LARS2: variants seen among roughly 807,000 people sequenced by gnomAD.
The protein encoded by LARS2 is leucine--tRNA ligase, mitochondrial.
Under a neutral mutation model 116.6 loss-of-function variants are expected in LARS2, and 81 were observed. The ratio of observed to expected loss-of-function variants is 0.69; its 90% CI spans 0.58 to 0.84. The LOEUF (loss-of-function observed/expected upper bound fraction) is 0.84, where lower values mean the gene tolerates loss of function less well. Among genes scored for constraint, LARS2 ranks in the 40% least tolerant of loss-of-function variants. The pLI is 0.00. For synonymous variants in LARS2, 396 were observed against 407.2 expected, an observed-to-expected ratio of 0.97 and a Z score of 0.33; for missense variants, 968 against 1,114.5, an observed-to-expected ratio of 0.87 and a Z score of 1.87.
At chr3:45,500,363 C>A in intron 14 of LARS2, 79 bp from the exon 15 acceptor site, 2 of 1,293,238 alleles carry the variant, frequency 1.5e-6, no homozygotes, top group Non-Finnish European at 2.2e-6. Context: ...AGGGCATATG[C>A]ATATTACAAT....
At position 45,516,112 on chromosome 3, in the gene LARS2, C is replaced by T. The variant is rs1361537828; in HGVS notation, c.1880C>T (p.Ala627Val). 6.2e-7 allele frequency: 1 copy of T among 1,613,964 alleles called. No homozygotes were observed. The highest frequency in any genetic ancestry group is 1.1e-5 in the South Asian group (1 of 91,048). ...VDLTGSVPVH[A>V]KTKEKLEVTW... The stretch of plus-strand genomic sequence containing the variant: ...CATCTAGGTTCCGTTCCTGTTCATG[C>T]AAAAACGAAAGAGAAGTTAGAGGTG... Residue 627 changes from alanine to valine, a missense_variant, in exon 17 of 22, where the codon GCA becomes GTA. Physicochemically the swap from Ala to Val is moderately conservative, Grantham distance 64. Coordinates refer to ENST00000645846, the MANE Select transcript of LARS2 (RefSeq NM_015340.4).
chr3:45,400,991 T>G (rs1698137732), intron 4 of LARS2, among the ~76,000 whole-genome samples: 2 of 152,032 alleles, frequency 1.3e-5, no homozygotes, highest in African/African-American at 4.8e-5. Flanking sequence ...TTTTTTGTAT[T>G]TTTAGTAGAG....
chr3:45,398,942 C>T (rs1193532550), intron 3 of LARS2, among the ~76,000 whole-genome samples: 2 of 152,258 alleles, frequency 1.3e-5, no homozygotes, highest in East Asian at 3.9e-4. Context: ...TTCATGTGCA[C>T]ACTCATGACG....
intron 6 of LARS2, among the ~76,000 whole-genome samples, chr3:45,438,861 A>G (rs1391850506): frequency 1.3e-5 from 2 of 151,862 alleles, no homozygotes; most frequent in African/African-American, 2.4e-5. Flanking sequence ...ACAAAGAAAA[A>G]ACGATGAGAG....
Position 45,547,643 on chromosome 3 carries a change from T to C in LARS2, c.*113T>C, listed in dbSNP as rs1700895180. 6 of 1,000,632 alleles carry C rather than the reference T, an allele frequency of 6.0e-6. No individual in the cohort carries two copies. The highest frequency in any genetic ancestry group is 7.4e-6 in the Non-Finnish European group (5 of 676,924). 62.0% of individuals were successfully genotyped at this position (1,000,632 alleles called of 1,614,324 possible). On this transcript the variant is annotated 3_prime_UTR_variant, in exon 22 of 22. Coordinates refer to ENST00000645846, the MANE Select transcript of LARS2 (RefSeq NM_015340.4). ...GAAGGGAAAAGACAAATGTCTTGACTGTTGACCTCGGTCCTGTGGCAGACT... is the reference window on the plus strand; with the variant it reads ...GAAGGGAAAAGACAAATGTCTTGACCGTTGACCTCGGTCCTGTGGCAGACT...
At chr3:45,515,469 G>A (rs144709741) in intron 16 of LARS2, among the ~76,000 whole-genome samples, 9 of 152,328 alleles carry the variant, frequency 5.9e-5, no homozygotes, top group Non-Finnish European at 1.3e-4. Flanking sequence ...AGTAGGGCTT[G>A]GCAACAAGGT....
chr3:45,390,607 G>A (rs541585266), intron 1 of LARS2, among the ~76,000 whole-genome samples: 5 of 141,026 alleles, frequency 3.5e-5, no homozygotes, highest in Middle Eastern at 5.2e-3. Flanking sequence ...CCACCAGACC[G>A]GGCCTTCTTT....
chr3:45,390,924 G>GCCAC (rs1308133739), intron 1 of LARS2, among the ~76,000 whole-genome samples: 1 of 152,094 alleles, frequency 6.6e-6, no homozygotes, highest in Non-Finnish European at 1.5e-5. Flanking sequence ...ACAGGCGTGA[G>GCCAC]CCACCGCACC....
chr3:45,530,163 T>C (rs1700593897), intron 20 of LARS2, among the ~76,000 whole-genome samples: 1 of 152,222 alleles, frequency 6.6e-6, no homozygotes, highest in East Asian at 1.9e-4. Context: ...TTTAAGAATA[T>C]GATATTTGGA....
chr3:45,439,665 T>G (rs952399835), intron 6 of LARS2, among the ~76,000 whole-genome samples: 3 of 151,998 alleles, frequency 2.0e-5, no homozygotes, highest in Admixed American at 6.6e-5. Flanking sequence ...AACGGAGGAT[T>G]GAATGTAAGG....
At chr3:45,430,254 G>A (rs1188677132) in intron 6 of LARS2, among the ~76,000 whole-genome samples, 1 of 142,952 alleles carries the variant, frequency 7.0e-6, no homozygotes, top group Non-Finnish European at 1.5e-5. Context: ...TTACAGGCGT[G>A]AGCCACCGCA....
chr3:45,404,581 T>C (rs1698202924), intron 4 of LARS2, among the ~76,000 whole-genome samples: 1 of 152,188 alleles, frequency 6.6e-6, no homozygotes, highest in Non-Finnish European at 1.5e-5. Context: ...GCCACATGTA[T>C]TGATTAATTT....
intron 1 of LARS2, 185 bp downstream of exon 1, chr3:45,388,865 A>C (rs1002122679): frequency 6.6e-6 from 1 of 152,252 alleles, no homozygotes; most frequent in Non-Finnish European, 1.5e-5. Flanking sequence ...CCTTTGAGCC[A>C]CCGACCCCAT....
In LARS2 at chr3:45,417,217, A is replaced by C. The variant is rs927319370; in HGVS notation, c.364-265A>C. 1.1e-4 allele frequency among the ~76,000 whole-genome samples: 16 copies of C among 152,280 alleles called. No homozygotes were observed. The South Asian group carries it at 1.9e-3, about 18-fold the overall frequency. ...GAAAAACAATTTGGGTTCAATATAG[A>C]GACTATAGAAAAGAAGAAAATAAAA... is the stretch of plus-strand genomic sequence containing the variant. On this transcript the variant is annotated intron_variant, in intron 4 of 21. Coordinates refer to ENST00000645846, the MANE Select transcript of LARS2 (RefSeq NM_015340.4).
chr3:45,479,732 A>G (rs895770927), intron 10 of LARS2, among the ~76,000 whole-genome samples: 1 of 152,214 alleles, frequency 6.6e-6, no homozygotes, highest in African/African-American at 2.4e-5. Context: ...GATAGGAACT[A>G]GAAGCCATAA....
intron 6 of LARS2, among the ~76,000 whole-genome samples, chr3:45,420,403 C>G (rs1028908727): frequency 1.3e-5 from 2 of 152,178 alleles, no homozygotes; most frequent in Non-Finnish European, 2.9e-5. Flanking sequence ...ACGAAGGGCC[C>G]CTTCCAATGC....
chr3:45,469,378 C>G (rs1699483426), intron 8 of LARS2, among the ~76,000 whole-genome samples: 3 of 152,266 alleles, frequency 2.0e-5, no homozygotes, highest in Admixed American at 2.0e-4. Context: ...CAGACTCTCA[C>G]TCTGTCACCC....
chr3:45,414,937 G>A (rs1698390192), intron 4 of LARS2, among the ~76,000 whole-genome samples: 1 of 152,120 alleles, frequency 6.6e-6, no homozygotes, highest in Admixed American at 6.5e-5. Flanking sequence ...GAATGGTAGG[G>A]GACTGAATTT....
chr3:45,427,733 GTCC>G (rs1415905687), intron 6 of LARS2, among the ~76,000 whole-genome samples: 1 of 151,866 alleles, frequency 6.6e-6, no homozygotes, highest in African/African-American at 2.4e-5. Flanking sequence ...CTCAACATGT[GTCC>G]TCCTCCAGTC....
Sources: allele counts gnomAD v4.1 joint callset (sites outside exome capture counted in the v4.1 genomes callset), GRCh38; gene constraint gnomAD v4.1.1; transcripts MANE v1.5; gene names NCBI Gene and HGNC (gene_info 2026-07-23, HGNC 2026-07-21).